Variants in LRMDA observed in about 807,000 individuals in gnomAD.
The protein encoded by LRMDA is leucine rich melanocyte differentiation associated.
In LRMDA, 18 loss-of-function variants were observed where a neutral mutation model predicts 29.8. That is an observed-to-expected ratio of 0.60 (90% confidence interval 0.42 to 0.90). The LOEUF (loss-of-function observed/expected upper bound fraction) is 0.90, where lower values mean the gene tolerates loss of function less well. Ranked by LOEUF, LRMDA falls within the 40% of genes least tolerant of loss-of-function variation. LRMDA has a pLI of 0.00. For synonymous variants in LRMDA, 125 were observed against 109.4 expected (o/e 1.14, Z -0.89); for missense variants, 273 against 273.9 (o/e 1.00, Z 0.02).
chr10:76,530,077 TGAG>T (rs758518436), intron 6 of LRMDA, among the ~76,000 whole-genome samples: 1 of 152,098 alleles, frequency 6.6e-6, no homozygotes, highest in Non-Finnish European at 1.5e-5. Flanking sequence ...AGAGGTGCAA[TGAG>T]GAGATCTTCA....
intron 5 of LRMDA, among the ~76,000 whole-genome samples, chr10:76,143,647 G>A (rs941197315): frequency 4.6e-5 from 7 of 152,162 alleles, no homozygotes; most frequent in Non-Finnish European, 7.3e-5. Flanking sequence ...TAGGTTGCCT[G>A]TTCACTCTGA....
At chr10:76,299,959 A>T (rs1441361717) in intron 5 of LRMDA, among the ~76,000 whole-genome samples, 1 of 152,122 alleles carries the variant, frequency 6.6e-6, no homozygotes, top group East Asian at 1.9e-4. Flanking sequence ...ACCTCCCCTA[A>T]CTTCAACCCA....
intron 2 of LRMDA, among the ~76,000 whole-genome samples, chr10:75,453,549 A>G (rs942407417): frequency 1.3e-5 from 2 of 152,162 alleles, no homozygotes; most frequent in Admixed American, 6.5e-5. Flanking sequence ...AGACTTTTCT[A>G]TTTCACTTAG....
chr10:75,647,862 T>C (rs2132124292), intron 2 of LRMDA, among the ~76,000 whole-genome samples: 1 of 152,238 alleles, frequency 6.6e-6, no homozygotes, highest in South Asian at 2.1e-4. Flanking sequence ...TCCTGCCCAC[T>C]TCTGCTCTCA....
chr10:75,527,283 G>T (rs1414737690), intron 2 of LRMDA, among the ~76,000 whole-genome samples: 1 of 152,286 alleles, frequency 6.6e-6, no homozygotes, highest in East Asian at 1.9e-4. Context: ...ACATTTAACA[G>T]ATAATGGATA....
chr10:75,925,422 G>A (rs1037669120), intron 2 of LRMDA, among the ~76,000 whole-genome samples: 3 of 152,092 alleles, frequency 2.0e-5, no homozygotes, highest in Admixed American at 1.3e-4. Context: ...GTCTGGGGGG[G>A]TTGGAATATG....
intron 5 of LRMDA, among the ~76,000 whole-genome samples, chr10:76,179,036 T>A (rs1381358851): frequency 6.6e-6 from 1 of 152,194 alleles, no homozygotes; most frequent in Non-Finnish European, 1.5e-5. Context: ...CACAGAAGAA[T>A]TTCTGGTTGT....
intron 2 of LRMDA, among the ~76,000 whole-genome samples, chr10:75,839,810 G>A (rs1006785251): frequency 8.1e-5 from 12 of 147,244 alleles, no homozygotes; most frequent in East Asian, 4.3e-4. Context: ...CCAGGTTCGC[G>A]CCATTCTTCT....
chr10:76,145,202 C>T (rs1177129054), intron 5 of LRMDA, among the ~76,000 whole-genome samples: 1 of 152,182 alleles, frequency 6.6e-6, no homozygotes, highest in Non-Finnish European at 1.5e-5. Context: ...AGGCTGGCCT[C>T]ATAAAATGAG....
chr10:75,442,727 T>G (rs1006913550), intron 2 of LRMDA, among the ~76,000 whole-genome samples: 4 of 152,128 alleles, frequency 2.6e-5, no homozygotes, highest in African/African-American at 9.7e-5. Flanking sequence ...ATTGCTCTAT[T>G]TGGAGTCTTT....
At chr10:76,122,165 G>C (rs1849800842) in intron 5 of LRMDA, among the ~76,000 whole-genome samples, 1 of 152,172 alleles carries the variant, frequency 6.6e-6, no homozygotes. Context: ...AACAGCAAAT[G>C]CATCTTCTGT....
intron 2 of LRMDA, among the ~76,000 whole-genome samples, chr10:75,772,450 T>G (rs1843253151): frequency 6.6e-6 from 1 of 152,172 alleles, no homozygotes; most frequent in Admixed American, 6.5e-5. Flanking sequence ...GAAGTTTCGG[T>G]TTCATTTTGC....
chr10:75,897,025 A>G (rs1845595087), intron 2 of LRMDA, among the ~76,000 whole-genome samples: 1 of 152,220 alleles, frequency 6.6e-6, no homozygotes, highest in African/African-American at 2.4e-5. Flanking sequence ...TGTTCAGGGC[A>G]GATTTACACT....
chr10:75,750,648 C>T (rs1320465500), intron 2 of LRMDA, among the ~76,000 whole-genome samples: 7 of 131,200 alleles, frequency 5.3e-5, no homozygotes, highest in African/African-American at 1.5e-4. Flanking sequence ...GATGGGCAGC[C>T]GGGCAGAGAT....
Position 75,759,523 on chromosome 10 carries a change from A to T in LRMDA, c.132-276485A>T, listed in dbSNP as rs1002612356. 2.0e-5 allele frequency among the ~76,000 whole-genome samples: 3 copies of T among 152,332 alleles called. No individual in the cohort carries two copies. In the South Asian group the frequency reaches 6.2e-4, roughly 32 times the overall value. On this transcript the variant is annotated intron_variant, in intron 2 of 6. Transcript: ENST00000611255. ...AGAAGAGATAAGGGAAAATGAGAAAAAGCAGCTCAGTATTTTGTCTTGTAA... is the reference window on the plus strand; with the variant it reads ...AGAAGAGATAAGGGAAAATGAGAAATAGCAGCTCAGTATTTTGTCTTGTAA...
At chr10:75,957,556 G>C (rs775564816) in intron 2 of LRMDA, among the ~76,000 whole-genome samples, 4 of 152,210 alleles carry the variant, frequency 2.6e-5, no homozygotes, top group Non-Finnish European at 5.9e-5. Context: ...ACTGATGAAT[G>C]AGGGAGCAAG....
At chr10:75,929,295 ATG>A (rs151109175) in intron 2 of LRMDA, among the ~76,000 whole-genome samples, 10 of 150,898 alleles carry the variant, frequency 6.6e-5, no homozygotes, top group South Asian at 2.1e-4. Context: ...TGCATGATCT[ATG>A]TGTGTGTGTG....
intron 2 of LRMDA, among the ~76,000 whole-genome samples, chr10:75,717,077 A>C (rs1202363130): frequency 6.6e-6 from 1 of 151,966 alleles, no homozygotes; most frequent in African/African-American, 2.4e-5. Flanking sequence ...CCATGTCTGC[A>C]CCAGTAGCCC....
At chr10:76,030,861 A>G (rs1848137158) in intron 2 of LRMDA, among the ~76,000 whole-genome samples, 1 of 152,112 alleles carries the variant, frequency 6.6e-6, no homozygotes, top group East Asian at 1.9e-4. Flanking sequence ...TACCTCACCA[A>G]TTCTCTCTTT....
Sources: allele counts gnomAD v4.1 joint callset (sites outside exome capture counted in the v4.1 genomes callset), GRCh38; gene constraint gnomAD v4.1.1; transcripts MANE v1.5; gene names NCBI Gene and HGNC (gene_info 2026-07-23, HGNC 2026-07-21).